Variants in GALNT17 observed in about 807,000 individuals in gnomAD.
GALNT17 encodes polypeptide N-acetylgalactosaminyltransferase 17, also known as UDP-GalNAc:polypeptide N-acetylgalactosaminyltransferase-like 3.
A neutral mutation model predicts 63.7 loss-of-function variants in GALNT17; 29 were observed. The observed-to-expected ratio is 0.46, with a 90% CI of 0.34 to 0.62. The LOEUF (loss-of-function observed/expected upper bound fraction) is 0.62, where lower values mean the gene tolerates loss of function less well. GALNT17 is among the 20% of genes least tolerant of loss of function. The probability of loss-of-function intolerance (pLI) is 0.01; values close to 1 mark genes in which losing one functional copy is unlikely to be tolerated. For synonymous variants in GALNT17, 305 were observed against 318.3 expected, an observed-to-expected ratio of 0.96 and a Z score of 0.45; for missense variants, 603 against 799.6, an observed-to-expected ratio of 0.75 and a Z score of 2.97.
chr7:71,298,434 G>T (rs932778243), intron 1 of GALNT17, among the ~76,000 whole-genome samples: 4 of 152,168 alleles, frequency 2.6e-5, no homozygotes, highest in Non-Finnish European at 1.5e-5. Flanking sequence ...TATATAAACA[G>T]AAATAAAATA....
chr7:71,340,305 G>A (rs1468949184), intron 2 of GALNT17, among the ~76,000 whole-genome samples: 1 of 152,160 alleles, frequency 6.6e-6, no homozygotes, highest in Non-Finnish European at 1.5e-5. Context: ...GTTCATAGAG[G>A]TGGCCTTGGA....
At chr7:71,561,742 G>GT (rs1458315886) in intron 5 of GALNT17, among the ~76,000 whole-genome samples, 1 of 152,054 alleles carries the variant, frequency 6.6e-6, no homozygotes, top group Non-Finnish European at 1.5e-5. Context: ...AAAAGCAAGG[G>GT]TAAGACATGA....
intron 2 of GALNT17, among the ~76,000 whole-genome samples, chr7:71,362,436 C>T (rs1792420777): frequency 6.6e-6 from 1 of 151,968 alleles, no homozygotes; most frequent in African/African-American, 2.4e-5. Flanking sequence ...CAGATCTCCC[C>T]AGAAAACAAA....
intron 2 of GALNT17, among the ~76,000 whole-genome samples, chr7:71,382,003 G>A (rs745817781): frequency 2.2e-4 from 33 of 152,148 alleles, no homozygotes; most frequent in Non-Finnish European, 5.9e-5. Context: ...TTGGCAAAAG[G>A]CAGAGCCTGG....
chr7:71,137,473 C>T (rs1787808227), intron 1 of GALNT17, among the ~76,000 whole-genome samples: 1 of 152,212 alleles, frequency 6.6e-6, no homozygotes, highest in Non-Finnish European at 1.5e-5. Flanking sequence ...CATCCCTCAG[C>T]ACACCACAGC....
At chr7:71,346,747 G>T (rs1488864709) in intron 2 of GALNT17, among the ~76,000 whole-genome samples, 1 of 149,554 alleles carries the variant, frequency 6.7e-6, no homozygotes, top group Admixed American at 6.7e-5. Context: ...CTTGCCTGTT[G>T]GGGGGGCGGG....
chr7:71,669,752 G>A lies in GALNT17; in HGVS notation c.1267-220G>A, dbSNP rs543581731. Among the ~76,000 whole-genome samples the A allele has an allele frequency of 4.0e-4, 61 of 151,810 alleles. No homozygotes were observed. The South Asian group carries it at 5.2e-3, about 13-fold the overall frequency. Reference sequence around the variant, plus strand: ...AATTTTTTGTATTTTTAGTAGAGACGGGGTTTCGCCGTGTTGGCCAGGCTG... The same window carrying A: ...AATTTTTTGTATTTTTAGTAGAGACAGGGTTTCGCCGTGTTGGCCAGGCTG... On this transcript the variant is annotated intron_variant, in intron 7 of 10. Transcript: ENST00000333538.
chr7:71,236,288 C>G (rs1195218906), intron 1 of GALNT17, among the ~76,000 whole-genome samples: 1 of 151,992 alleles, frequency 6.6e-6, no homozygotes, highest in East Asian at 1.9e-4. Flanking sequence ...TCATTGCTAC[C>G]CTATCTCAGG....
In GALNT17 at chr7:71,388,027, C is replaced by T. The variant is rs188008946; in HGVS notation, c.423-208C>T. Reference sequence around the variant, plus strand: ...ACTCACCACCTGTAGGGTGGTGAATCTGGGAGAAGTGGGGCTGCATCTGTT... The same window carrying T: ...ACTCACCACCTGTAGGGTGGTGAATTTGGGAGAAGTGGGGCTGCATCTGTT... On this transcript the variant is annotated intron_variant, in intron 2 of 10. Coordinates refer to ENST00000333538, the MANE Select transcript of GALNT17 (RefSeq NM_022479.3). Among the ~76,000 whole-genome samples the T allele has an allele frequency of 3.0e-4, 46 of 152,174 alleles. 4 individuals are homozygous for T. Among genetic ancestry groups the T allele is most frequent in the East Asian group, 2.9e-3 (15 of 5,148 alleles).
intron 2 of GALNT17, among the ~76,000 whole-genome samples, chr7:71,359,254 C>T (rs546856517): frequency 2.0e-5 from 3 of 152,302 alleles, no homozygotes; most frequent in Non-Finnish European, 4.4e-5. Flanking sequence ...CCAGCATTTG[C>T]TCAGGTTCTG....
chr7:71,231,918 G>T (rs1183431075), intron 1 of GALNT17, among the ~76,000 whole-genome samples: 2 of 152,046 alleles, frequency 1.3e-5, no homozygotes, highest in Non-Finnish European at 2.9e-5. Flanking sequence ...CAGGGATATA[G>T]GTTCAGCATG....
intron 1 of GALNT17, among the ~76,000 whole-genome samples, chr7:71,329,884 C>T (rs544165298): frequency 7.3e-5 from 11 of 151,000 alleles, no homozygotes; most frequent in Non-Finnish European, 1.5e-4. Context: ...CTTTGGGTGT[C>T]CTCCAAGAAT....
chr7:71,574,611 T>C (rs970338943), intron 6 of GALNT17, among the ~76,000 whole-genome samples: 2 of 151,548 alleles, frequency 1.3e-5, no homozygotes, highest in African/African-American at 4.9e-5. Flanking sequence ...AAGGCAAAGG[T>C]CTGGGTTTGG....
At chr7:71,670,690 A>G (rs71551216) in intron 8 of GALNT17, among the ~76,000 whole-genome samples, 4,577 of 152,282 alleles carry the variant, frequency 0.03, 84 homozygotes, top group Middle Eastern at 0.068. Flanking sequence ...CTTTTTGCAT[A>G]CAAATTAATT....
intron 1 of GALNT17, among the ~76,000 whole-genome samples, chr7:71,198,419 G>C (rs1789098490): frequency 1.3e-5 from 2 of 152,140 alleles, no homozygotes; most frequent in Non-Finnish European, 2.9e-5. Context: ...CATTTATTGA[G>C]TTATGTTCCA....
At chr7:71,381,739 A>G (rs1792850929) in intron 2 of GALNT17, among the ~76,000 whole-genome samples, 1 of 152,176 alleles carries the variant, frequency 6.6e-6, no homozygotes, top group Non-Finnish European at 1.5e-5. Context: ...AGATCATGCC[A>G]TGGCACTCCA....
chr7:71,216,077 C>A (rs145187027), intron 1 of GALNT17, among the ~76,000 whole-genome samples: 1 of 129,182 alleles, frequency 7.7e-6, no homozygotes, highest in Non-Finnish European at 1.8e-5. Context: ...AAAAGCCAAG[C>A]GTGGTAGTGC....
intron 1 of GALNT17, among the ~76,000 whole-genome samples, chr7:71,304,086 C>T (rs1295985684): frequency 6.6e-6 from 1 of 152,158 alleles, no homozygotes; most frequent in African/African-American, 2.4e-5. Context: ...GCTCAATACC[C>T]TTGAGCACAC....
chr7:71,300,366 T>C (rs1791172577), intron 1 of GALNT17: 1 of 441,534 alleles, frequency 2.3e-6, no homozygotes, highest in Non-Finnish European at 4.5e-6. Context: ...CACCACCTCT[T>C]GGTGTGCTGG....
Sources: gnomAD v4.1 joint callset for allele counts (sites outside exome capture counted in the v4.1 genomes callset) on GRCh38, gnomAD v4.1.1 for gene constraint, MANE v1.5 for transcripts, NCBI Gene and HGNC (gene_info 2026-07-23, HGNC 2026-07-21) for gene names.